The following CD82 variants were observed in gnomAD, a reference collection of about 807,000 sequenced individuals.
CD82 encodes the protein CD82 molecule, also known as CD82 antigen.
CD82 carries 36 observed loss-of-function variants against 37.4 expected under a neutral mutation model. The ratio of observed to expected loss-of-function variants is 0.96; its 90% confidence interval spans 0.74 to 1.27. CD82 has a LOEUF of 1.27. Among genes scored for constraint, CD82 ranks in the 50% most tolerant of loss-of-function variants. The pLI, the probability that CD82 is intolerant of heterozygous loss-of-function variation, is 0.00. For synonymous variants in CD82, 158 were observed against 137.4 expected (o/e 1.15, Z -1.05); for missense variants, 340 against 347.0 (o/e 0.98, Z 0.16).
chr11:44,587,747 C>T (rs1373910706), intron 2 of CD82, 191 bp downstream of exon 2: 13 of 380,010 alleles, frequency 3.4e-5, no homozygotes, highest in African/African-American at 1.0e-4. Flanking sequence ...TGGGGAGGCT[C>T]GGCAGCAGGT....
chr11:44,575,549 G>A (rs968192896), intron 1 of CD82, among the ~76,000 whole-genome samples: 3 of 152,232 alleles, frequency 2.0e-5, no homozygotes, highest in African/African-American at 4.8e-5. Flanking sequence ...GGTACTGCCT[G>A]AGAATGTGCA....
chr11:44,596,080 C>T (rs569922670), intron 3 of CD82, among the ~76,000 whole-genome samples: 1 of 152,346 alleles, frequency 6.6e-6, no homozygotes, highest in East Asian at 1.9e-4. Flanking sequence ...CCACCCTGGC[C>T]CCGGCCCTAG....
At chr11:44,588,520 C>T (rs1371213182) in intron 2 of CD82, among the ~76,000 whole-genome samples, 1 of 152,182 alleles carries the variant, frequency 6.6e-6, no homozygotes, top group Non-Finnish European at 1.5e-5. Context: ...CCGTACCCAG[C>T]CTGCAAAATA....
intron 1 of CD82, among the ~76,000 whole-genome samples, chr11:44,584,488 A>G (rs1853025171): frequency 1.3e-5 from 2 of 152,080 alleles, no homozygotes; most frequent in African/African-American, 4.8e-5. Flanking sequence ...GAGTTTCACC[A>G]TATTGGCCAG....
intron 1 of CD82, among the ~76,000 whole-genome samples, chr11:44,579,766 C>A (rs1023646936): frequency 1.3e-5 from 2 of 152,180 alleles, no homozygotes; most frequent in African/African-American, 2.4e-5. Flanking sequence ...CCCCTTTATT[C>A]CCAGCTTGGC....
At chr11:44,604,653 C>T in intron 4 of CD82, 1 of 292,754 alleles carries the variant, frequency 3.4e-6, no homozygotes, top group Non-Finnish European at 6.6e-6. Context: ...TGCACAGCAC[C>T]TCACTGCGAG....
At chr11:44,577,874 T>C (rs1314721232) in intron 1 of CD82, among the ~76,000 whole-genome samples, 1 of 152,134 alleles carries the variant, frequency 6.6e-6, no homozygotes, top group Non-Finnish European at 1.5e-5. Context: ...GCCTGAACTA[T>C]AGGTAGCTCT....
At chr11:44,612,757 C>G in intron 6 of CD82, among the ~76,000 whole-genome samples, 1 of 149,668 alleles carries the variant, frequency 6.7e-6, no homozygotes, top group East Asian at 2.0e-4. Flanking sequence ...CTCAGTCTCG[C>G]GAGTAGCTGG....
At chr11:44,589,829 T>A (rs1212617721) in intron 2 of CD82, among the ~76,000 whole-genome samples, 2 of 152,218 alleles carry the variant, frequency 1.3e-5, no homozygotes, top group African/African-American at 4.8e-5. Context: ...TGACCCTTGC[T>A]GCCTCTTCGT....
chr11:44,565,476 G>A (rs1317713907), upstream of CD82: 2 of 152,124 alleles, frequency 1.3e-5, no homozygotes, highest in Non-Finnish European at 2.9e-5. Context: ...GGGCCCGGGG[G>A]CGAGGCTGGT....
At chr11:44,581,465 T>C (rs1852978065) in intron 1 of CD82, among the ~76,000 whole-genome samples, 1 of 152,226 alleles carries the variant, frequency 6.6e-6, no homozygotes, top group Non-Finnish European at 1.5e-5. Flanking sequence ...GCGTTTGTCA[T>C]TGTTAAACAC....
At chr11:44,581,419 G>C (rs1316990700) in intron 1 of CD82, among the ~76,000 whole-genome samples, 1 of 152,194 alleles carries the variant, frequency 6.6e-6, no homozygotes, top group Non-Finnish European at 1.5e-5. Context: ...GAAGGACTTG[G>C]CACAATGTCT....
chr11:44,607,237 A>G (rs1360137468), intron 6 of CD82, among the ~76,000 whole-genome samples: 1 of 152,278 alleles, frequency 6.6e-6, no homozygotes, highest in African/African-American at 2.4e-5. Context: ...ATGGAACTTC[A>G]CAAGACAAGA....
At chr11:44,612,653 G>A (rs1853501882) in intron 6 of CD82, among the ~76,000 whole-genome samples, 1 of 25,318 alleles carries the variant, frequency 3.9e-5, no homozygotes, top group Non-Finnish European at 7.5e-5. Context: ...TTTTTTTTGA[G>A]ATGGAGTCTG....
chr11:44,564,502 G>A (rs1459968335), upstream of CD82: 9 of 456,206 alleles, frequency 2.0e-5, no homozygotes, highest in Non-Finnish European at 4.0e-5. Flanking sequence ...TCATTAACCA[G>A]GTAATCTGCC....
chr11:44,612,273 C>T (rs562925801), intron 6 of CD82, among the ~76,000 whole-genome samples: 10 of 152,348 alleles, frequency 6.6e-5, no homozygotes, highest in Non-Finnish European at 1.0e-4. Context: ...GTGCAAACCT[C>T]ACTTCTTCCG....
At chr11:44,600,816 C>T (rs1335747147) in intron 4 of CD82, among the ~76,000 whole-genome samples, 1 of 152,212 alleles carries the variant, frequency 6.6e-6, no homozygotes, top group Admixed American at 6.5e-5. Context: ...GTTCTATTCC[C>T]ACCTCACCAA....
chr11:44,617,808 T>G (rs1853587567), intron 7 of CD82, among the ~76,000 whole-genome samples: 1 of 152,186 alleles, frequency 6.6e-6, no homozygotes, highest in Non-Finnish European at 1.5e-5. Flanking sequence ...ATGAGGAAAC[T>G]GAGGCTAGTT....
intron 1 of CD82, among the ~76,000 whole-genome samples, chr11:44,571,229 G>T (rs1852810512): frequency 6.6e-6 from 1 of 152,156 alleles, no homozygotes; most frequent in African/African-American, 2.4e-5. Context: ...CTTCTAGGCA[G>T]GTTTTCTTCC....
Sources: allele counts gnomAD v4.1 joint callset (sites outside exome capture counted in the v4.1 genomes callset), GRCh38; gene constraint gnomAD v4.1.1; transcripts MANE v1.5; gene names NCBI Gene and HGNC (gene_info 2026-07-23, HGNC 2026-07-21).